INTS9: variants seen among roughly 807,000 people sequenced by gnomAD.
The protein encoded by INTS9 is protein related to CPSF subunits of 74 kDa.
In INTS9, 55 loss-of-function variants were observed where a neutral mutation model predicts 79.7. The observed-to-expected ratio is 0.69, with a 90% CI of 0.56 to 0.86. INTS9 has a LOEUF of 0.86. Among genes scored for constraint, INTS9 ranks in the 40% least tolerant of loss-of-function variants. The pLI, the probability that INTS9 is intolerant of heterozygous loss-of-function variation, is 0.00. For synonymous variants in INTS9, 319 were observed against 325.2 expected, an observed-to-expected ratio of 0.98 and a Z score of 0.20; for missense variants, 721 against 831.5, an observed-to-expected ratio of 0.87 and a Z score of 1.64.
At chr8:28,790,567 A>G (rs1408919357) in intron 10 of INTS9, among the ~76,000 whole-genome samples, 2 of 152,138 alleles carry the variant, frequency 1.3e-5, no homozygotes, top group Non-Finnish European at 2.9e-5. Flanking sequence ...GCCTCAAGCA[A>G]TCCTCCCGCC....
chr8:28,826,357 G>A (rs1052652758), intron 6 of INTS9, among the ~76,000 whole-genome samples: 7 of 152,132 alleles, frequency 4.6e-5, no homozygotes, highest in Admixed American at 2.6e-4. Flanking sequence ...AACGTGTCCC[G>A]TCTGAACTGC....
intron 8 of INTS9, among the ~76,000 whole-genome samples, chr8:28,800,376 T>C (rs757421023): frequency 3.3e-5 from 5 of 151,928 alleles, no homozygotes; most frequent in Non-Finnish European, 7.4e-5. Context: ...TTGGCCAGGA[T>C]GGAGAGTGTA....
intron 4 of INTS9, among the ~76,000 whole-genome samples, chr8:28,838,311 C>T (rs1563287572): frequency 6.6e-6 from 1 of 151,818 alleles, no homozygotes; most frequent in African/African-American, 2.4e-5. Flanking sequence ...CCCTAAAAAG[C>T]GTAGTGGCAG....
chr8:28,786,151 T>C (rs1287885368), intron 11 of INTS9, among the ~76,000 whole-genome samples: 13 of 152,156 alleles, frequency 8.5e-5, no homozygotes, highest in Non-Finnish European at 1.5e-5. Flanking sequence ...GTTTGTGCAG[T>C]TTATCTACAC....
chr8:28,823,535 T>C (rs1805973108), intron 6 of INTS9, among the ~76,000 whole-genome samples: 1 of 152,236 alleles, frequency 6.6e-6, no homozygotes, highest in African/African-American at 2.4e-5. Flanking sequence ...GTCTTCATTC[T>C]CCTGTGCAGA....
intron 10 of INTS9, among the ~76,000 whole-genome samples, chr8:28,791,457 A>G (rs1039374587): frequency 1.3e-5 from 2 of 151,858 alleles, no homozygotes; most frequent in African/African-American, 4.8e-5. Flanking sequence ...CTCTCCACCC[A>G]CACATCACCG....
intron 1 of INTS9, among the ~76,000 whole-genome samples, chr8:28,859,922 C>T (rs1808363165): frequency 6.6e-6 from 1 of 152,180 alleles, no homozygotes; most frequent in African/African-American, 2.4e-5. Context: ...CTGTCTAAAG[C>T]TGTGGATGTC....
Position 28,813,487 on chromosome 8 carries a change from C to A in INTS9, c.609+5G>T. The A allele has an allele frequency of 6.2e-7, 1 of 1,612,264 alleles. No homozygotes were observed. Among genetic ancestry groups the A allele is most frequent in the Non-Finnish European group, 8.5e-7 (1 of 1,178,564 alleles). On this transcript the variant is annotated splice_donor_5th_base_variant and intron_variant, in intron 7 of 16. Transcript: ENST00000521022. ...GAATAACTGAAATGTAATATGAATACTCACAATTTTCTGAGAATATCCCAC... is the reference window on the plus strand; with the variant it reads ...GAATAACTGAAATGTAATATGAATAATCACAATTTTCTGAGAATATCCCAC...
chr8:28,795,794 G>T (rs895178816), intron 9 of INTS9, among the ~76,000 whole-genome samples: 1 of 152,140 alleles, frequency 6.6e-6, no homozygotes, highest in African/African-American at 2.4e-5. Context: ...CCAGAATTGT[G>T]AGAAGTTAAT....
At chr8:28,824,073 T>G (rs1806006131) in intron 6 of INTS9, among the ~76,000 whole-genome samples, 1 of 152,218 alleles carries the variant, frequency 6.6e-6, no homozygotes, top group Admixed American at 6.5e-5. Flanking sequence ...GAGCACTGAC[T>G]GTGGTCTCAG....
At chr8:28,832,698 T>A (rs191388467) in intron 6 of INTS9, among the ~76,000 whole-genome samples, 1 of 152,332 alleles carries the variant, frequency 6.6e-6, no homozygotes, top group African/African-American at 2.4e-5. Flanking sequence ...GTGTGGTGGC[T>A]CATGCCTGTA....
chr8:28,879,980 C>G (rs1441940727), intron 1 of INTS9, among the ~76,000 whole-genome samples: 1 of 152,000 alleles, frequency 6.6e-6, no homozygotes, highest in African/African-American at 2.4e-5. Context: ...ACTCTGAAAT[C>G]TACTAAAAGT....
intron 8 of INTS9, among the ~76,000 whole-genome samples, chr8:28,809,234 C>T (rs1436706083): frequency 2.0e-5 from 3 of 152,150 alleles, no homozygotes; most frequent in Non-Finnish European, 4.4e-5. Flanking sequence ...GCTGTGATTA[C>T]AGGCATGAGC....
At position 28,767,988 on chromosome 8, in the gene INTS9, G is replaced by A; in HGVS notation, c.*158C>T. The stretch of plus-strand genomic sequence containing the variant: ...TTGCCTGAAACAGTGCTGGGAATAA[G>A]TCCAGACCATTTCCCTCAAGAGCCA... On this transcript the variant is annotated 3_prime_UTR_variant, in exon 17 of 17. Transcript: ENST00000521022. The A allele has an allele frequency of 2.8e-6, 2 of 703,824 alleles. No individual in the cohort carries two copies. Among genetic ancestry groups the A allele is most frequent in the Non-Finnish European group, 2.5e-6 (1 of 403,136 alleles). 43.6% of individuals were successfully genotyped at this position (703,824 alleles called of 1,614,324 possible). A position where few individuals can be genotyped will look rare whatever the true frequency, so the allele number is the denominator to read the frequency against.
intron 4 of INTS9, among the ~76,000 whole-genome samples, chr8:28,838,702 G>A (rs1806973619): frequency 6.6e-6 from 1 of 152,086 alleles, no homozygotes; most frequent in Non-Finnish European, 1.5e-5. Context: ...TGTATTTTTA[G>A]TAGAGATGGG....
intron 1 of INTS9, among the ~76,000 whole-genome samples, chr8:28,879,591 G>A (rs1018354091): frequency 6.6e-6 from 1 of 152,098 alleles, no homozygotes; most frequent in African/African-American, 2.4e-5. Flanking sequence ...AAAAAGAAGT[G>A]AAAACATGGA....
chr8:28,859,412 G>T (rs202073420), intron 2 of INTS9, 24 bp downstream of exon 2: 147 of 1,611,710 alleles, frequency 9.1e-5, no homozygotes, highest in Non-Finnish European at 8.1e-5. Context: ...AGCTCATTTT[G>T]TCTTTGGCTG....
rs1366876939 is a variant in INTS9 at position 28,808,780 on chromosome 8, CTT to C, written c.744+3545_744+3546del. On this transcript the variant is annotated intron_variant, in intron 8 of 16. Coordinates refer to ENST00000521022, the MANE Select transcript of INTS9 (RefSeq NM_018250.4). ...TTAAAGACCCGCCAATGTTTTAACT[CTT>C]TTCTCCATTCTTACTGCCTCAGGCT... is the stretch of plus-strand genomic sequence containing the variant. 2.6e-5 allele frequency among the ~76,000 whole-genome samples: 4 copies of C among 152,188 alleles called. No homozygotes were observed. In the East Asian group the frequency reaches 7.7e-4, roughly 29 times the overall value.
chr8:28,777,186 C>A (rs1195412288), intron 13 of INTS9, among the ~76,000 whole-genome samples: 1 of 152,098 alleles, frequency 6.6e-6, no homozygotes, highest in Non-Finnish European at 1.5e-5. Flanking sequence ...CCTGGGAACA[C>A]CAGGGAGTGG....
Sources: gnomAD v4.1 joint callset for allele counts (sites outside exome capture counted in the v4.1 genomes callset) on GRCh38, gnomAD v4.1.1 for gene constraint, MANE v1.5 for transcripts, NCBI Gene and HGNC (gene_info 2026-07-23, HGNC 2026-07-21) for gene names.